The following GIT2 variants were observed in gnomAD, a reference collection of about 807,000 sequenced individuals.
GIT2 encodes the protein GIT ArfGAP 2, also known as ARF GTPase-activating protein GIT2.
GIT2 carries 32 observed loss-of-function variants against 100.3 expected under a neutral mutation model. The ratio of observed to expected loss-of-function variants is 0.32; its 90% CI spans 0.24 to 0.43. The LOEUF (loss-of-function observed/expected upper bound fraction) is 0.43, where lower values mean the gene tolerates loss of function less well. GIT2 is among the 20% of genes least tolerant of loss of function. The pLI, the probability that GIT2 is intolerant of heterozygous loss-of-function variation, is 1.00. For missense variants in GIT2, 737 were observed against 975.1 expected, an observed-to-expected ratio of 0.76 and a Z score of 3.25; for synonymous variants, 353 against 364.1, an observed-to-expected ratio of 0.97 and a Z score of 0.35.
In GIT2 at chr12:109,945,310, G is replaced by C; in HGVS notation, c.1681C>G (p.Pro561Ala). 1 of 1,587,486 alleles carries C rather than the reference G, an allele frequency of 6.3e-7. No homozygotes were observed. Among genetic ancestry groups the C allele is most frequent in the Non-Finnish European group, 8.7e-7 (1 of 1,156,014 alleles). Residue 561 changes from proline (P) to alanine (A), a missense_variant, in exon 16 of 20, where the codon CCT becomes GCT. By Grantham distance (27) the Pro-to-Ala change is conservative. Coordinates refer to ENST00000355312, the MANE Select transcript of GIT2 (RefSeq NM_057169.5). Reference protein sequence around the residue: ...SALVTSSSSLPSFPSTLSWSR... With the variant: ...SALVTSSSSLASFPSTLSWSR... ...CAGGAAAGTGTGGAGGGGAAGGAAG[G>C]CAGAGATGAAGAGGAGGTCACAAGT...
At chr12:109,999,397 C>T (rs981156005), upstream of GIT2, 9 of 177,954 alleles carry the variant, frequency 5.1e-5, no homozygotes, top group African/African-American at 2.1e-4. This position sits in a 1 kb window ranked among gnomAD's most constrained non-coding sequence, Gnocchi z 4.3. Flanking sequence ...GGTTCGCTCT[C>T]CGCACTTCCC....
In GIT2 at chr12:109,932,774, C is replaced by T. The variant is rs76092570; in HGVS notation, c.*204G>A. 4,869 of 538,924 alleles carry T rather than the reference C, an allele frequency of 9.0e-3. 210 individuals carry two copies. Among genetic ancestry groups the T allele is most frequent in the African/African-American group, 0.084 (4,416 of 52,866 alleles). 33.4% of individuals were successfully genotyped at this position (538,924 alleles called of 1,614,324 possible). A position where few individuals can be genotyped will look rare whatever the true frequency, so the allele number is the denominator to read the frequency against. On this transcript the variant is annotated 3_prime_UTR_variant, in exon 20 of 20. Coordinates refer to ENST00000355312, the MANE Select transcript of GIT2 (RefSeq NM_057169.5). ...AACCGAACATCAGAAACTAAACCAG[C>T]AAATAGGCACAAAATAAGGCAAGTG...
chr12:109,976,018 C>A (rs1210255086), intron 7 of GIT2, among the ~76,000 whole-genome samples: 3 of 151,846 alleles, frequency 2.0e-5, no homozygotes, highest in African/African-American at 7.3e-5. Flanking sequence ...GATCTGCCCA[C>A]CTCAGCCTCC....
At chr12:109,989,865 G>A in intron 2 of GIT2, 63 bp from the exon 3 acceptor site, 1 of 844,050 alleles carries the variant, frequency 1.2e-6, no homozygotes, top group Non-Finnish European at 2.1e-6. Flanking sequence ...ATGGGGATCA[G>A]TGACTGAACA....
At chr12:109,981,470 G>A (rs1395087181) in intron 6 of GIT2, 2 of 171,912 alleles carry the variant, frequency 1.2e-5, no homozygotes, top group South Asian at 2.4e-4. Flanking sequence ...ATGGGGCCAG[G>A]GGCCAATATG....
chr12:109,994,764 C>CA (rs1889036748), intron 1 of GIT2, among the ~76,000 whole-genome samples: 1 of 152,164 alleles, frequency 6.6e-6, no homozygotes, highest in Non-Finnish European at 1.5e-5. Flanking sequence ...AAGCTAGACA[C>CA]ATGTGAATCA....
intron 12 of GIT2, among the ~76,000 whole-genome samples, chr12:109,958,405 C>T (rs1232893967): frequency 6.6e-6 from 1 of 151,836 alleles, no homozygotes; most frequent in Middle Eastern, 3.4e-3. Context: ...CCACGCCCAG[C>T]TAATTTTTTT....
At chr12:109,971,470 C>G (rs1456189443) in intron 7 of GIT2, among the ~76,000 whole-genome samples, 1 of 151,740 alleles carries the variant, frequency 6.6e-6, no homozygotes, top group African/African-American at 2.4e-5. Context: ...GGACTACAGG[C>G]GCCCACCACC....
upstream of GIT2, among the ~76,000 whole-genome samples, chr12:109,997,102 T>C (rs1296920414): frequency 6.8e-6 from 1 of 146,654 alleles, no homozygotes; most frequent in Non-Finnish European, 1.5e-5. Flanking sequence ...CTCAGTTACT[T>C]GGGAGGCTGA....
chr12:109,969,757 G>A (rs942013906), intron 7 of GIT2, among the ~76,000 whole-genome samples: 4 of 149,338 alleles, frequency 2.7e-5, no homozygotes, highest in African/African-American at 9.9e-5. Context: ...TTTCTCTTAT[G>A]TTTTCTTTTT....
chr12:109,949,334 T>G (rs1877210934), intron 14 of GIT2, among the ~76,000 whole-genome samples: 1 of 152,210 alleles, frequency 6.6e-6, no homozygotes, highest in South Asian at 2.1e-4. Flanking sequence ...TGATCACGTG[T>G]TTGTCTGTAT....
At chr12:109,946,728 A>G (rs1051107954) in intron 15 of GIT2, among the ~76,000 whole-genome samples, 8 of 152,132 alleles carry the variant, frequency 5.3e-5, no homozygotes, top group African/African-American at 1.9e-4. Flanking sequence ...CTGAGCACAC[A>G]TGGAGAGGCT....
intron 9 of GIT2, among the ~76,000 whole-genome samples, chr12:109,964,467 G>C (rs1176581906): frequency 3.3e-5 from 5 of 152,090 alleles, no homozygotes; most frequent in Non-Finnish European, 7.4e-5. Flanking sequence ...GTCAGAGTCA[G>C]GCTTTGGGAA....
At position 109,965,545 on chromosome 12, in the gene GIT2, G is replaced by T; in HGVS notation, c.797C>A (p.Ala266Asp). Reference protein sequence around the residue: ...SLDLSELAKAAKKKLQSLSNH... With the variant: ...SLDLSELAKADKKKLQSLSNH... ...ACTCACAGATTGAAGTTTCTTCTTAGCAGCTTTTGCCAATTCAGACAAATC... is the reference window on the plus strand; with the variant it reads ...ACTCACAGATTGAAGTTTCTTCTTATCAGCTTTTGCCAATTCAGACAAATC... Residue 266 changes from alanine to aspartate, a missense_variant, in exon 9 of 20, where the codon GCT becomes GAT. Coordinates refer to ENST00000355312, the MANE Select transcript of GIT2 (RefSeq NM_057169.5). 1 of 1,598,146 alleles carries T rather than the reference G, an allele frequency of 6.3e-7. No homozygotes were observed. Among genetic ancestry groups the T allele is most frequent in the Non-Finnish European group, 8.6e-7 (1 of 1,167,914 alleles).
rs1566020181 is a variant in GIT2, at chr12:109,989,054, T to G, written c.314A>C (p.Glu105Ala). The stretch of plus-strand genomic sequence containing the variant: ...CATCTGATACTTGGCTCTGATGAAT[T>G]CCGCTTTATTGGGACTGGTTCAAAA... ...PQDKVHPNKA[E>A]FIRAKYQMLA... The change falls in exon 4 of 20, where the codon GAA (glutamate) becomes GCA (alanine). Residue 105 changes from glutamate to alanine, a missense_variant. Coordinates refer to ENST00000355312, the MANE Select transcript of GIT2 (RefSeq NM_057169.5). 6.2e-7 allele frequency: 1 copy of G among 1,606,966 alleles called. No homozygotes were observed. Among genetic ancestry groups the G allele is most frequent in the Admixed American group, 1.7e-5 (1 of 59,978 alleles).
At chr12:109,993,030 AAAG>A (rs543712036) in intron 1 of GIT2, among the ~76,000 whole-genome samples, 3 of 152,308 alleles carry the variant, frequency 2.0e-5, no homozygotes, top group South Asian at 4.1e-4. Flanking sequence ...GAAAAAAAAA[AAAG>A]AAGTTGCAAT....
intron 2 of GIT2, among the ~76,000 whole-genome samples, chr12:109,990,528 G>GT (rs1352697059): frequency 6.6e-6 from 1 of 152,178 alleles, no homozygotes; most frequent in Non-Finnish European, 1.5e-5. Flanking sequence ...AGCCCCATCT[G>GT]TTTTTTACAG....
intron 15 of GIT2, among the ~76,000 whole-genome samples, chr12:109,946,322 C>T (rs59463468): frequency 0.19 from 28,538 of 151,958 alleles, 4,941 homozygotes; most frequent in African/African-American, 0.47. Context: ...GGGTTTAATT[C>T]ACGAAACCAT....
chr12:109,959,021 G>A (rs1302609225), intron 12 of GIT2, among the ~76,000 whole-genome samples: 2 of 151,510 alleles, frequency 1.3e-5, no homozygotes, highest in Non-Finnish European at 2.9e-5. Context: ...TTGTAGGTAA[G>A]CAACAGCAGA....
Sources: gnomAD v4.1 joint callset for allele counts (sites outside exome capture counted in the v4.1 genomes callset) on GRCh38, gnomAD v4.1.1 for gene constraint, Gnocchi (gnomAD v3.1) non-coding constraint, MANE v1.5 for transcripts, NCBI Gene and HGNC (gene_info 2026-07-23, HGNC 2026-07-21) for gene names.